The following SRGAP3 variants were observed in gnomAD, a reference collection of about 807,000 sequenced individuals.
The protein encoded by SRGAP3 is SLIT-ROBO Rho GTPase-activating protein 3.
A neutral mutation model predicts 121.1 loss-of-function variants in SRGAP3; 39 were observed. The ratio of observed to expected loss-of-function variants is 0.32; its 90% CI spans 0.25 to 0.42. The LOEUF is 0.42. Among genes scored for constraint, SRGAP3 ranks in the 10% least tolerant of loss-of-function variants. The probability of loss-of-function intolerance (pLI) is 1.00; values close to 1 mark genes in which losing one functional copy is unlikely to be tolerated. For missense variants in SRGAP3, 1,213 were observed against 1,470.6 expected (o/e 0.82, Z 2.86); for synonymous variants, 601 against 570.0 (o/e 1.05, Z -0.77).
At position 8,985,633 on chromosome 3, in the gene SRGAP3, C is replaced by G; in HGVS notation, c.3186G>C (p.Pro1062=). Residue 1062 remains proline, a synonymous_variant, in exon 22 of 22, where the codon CCG becomes CCC. Transcript: ENST00000383836. This position sits in a 1 kb window ranked among gnomAD's most constrained non-coding sequence, Gnocchi z 5.1. Reference sequence around the variant, plus strand: ...TGCTGCTGGACCGGTGCTGGACCACCGGCCGCACGGGCCGCATGGGGGGCG... The same window carrying G: ...TGCTGCTGGACCGGTGCTGGACCACGGGCCGCACGGGCCGCATGGGGGGCG... ...LRPPPMRPVR[P]VVQHRSSSSS... is the part of the protein sequence containing the mutation. The G allele has an allele frequency of 1.3e-6, 2 of 1,594,894 alleles. No individual in the cohort carries two copies. Among genetic ancestry groups the G allele is most frequent in the Non-Finnish European group, 1.7e-6 (2 of 1,177,538 alleles).
intron 1 of SRGAP3, among the ~76,000 whole-genome samples, chr3:9,175,531 G>C (rs969138448): frequency 6.6e-6 from 1 of 152,202 alleles, no homozygotes; most frequent in Non-Finnish European, 1.5e-5. Context: ...GACCCAGCAC[G>C]GGGAGCCCTC....
chr3:9,257,341 C>G (rs1261935026), intron 3 of SRGAP3: 1 of 129,166 alleles, frequency 7.7e-6, no homozygotes, highest in Non-Finnish European at 1.8e-5. Flanking sequence ...GACACCAAAG[C>G]GAACTCTCTC....
intron 19 of SRGAP3, among the ~76,000 whole-genome samples, chr3:8,993,307 T>G (rs1942185191): frequency 6.6e-6 from 1 of 152,178 alleles, no homozygotes; most frequent in African/African-American, 2.4e-5. Flanking sequence ...CTCTTCTAGC[T>G]TGTTCATTCC....
intron 21 of SRGAP3, 142 bp downstream of exon 21, chr3:8,990,370 C>T (rs913473828): frequency 2.2e-5 from 24 of 1,092,196 alleles, no homozygotes; most frequent in South Asian, 1.1e-4. Context: ...CAGCAAGGGA[C>T]GGGGAGGCCA....
chr3:9,062,225 C>G (rs1946207949), intron 5 of SRGAP3, among the ~76,000 whole-genome samples: 1 of 152,092 alleles, frequency 6.6e-6, no homozygotes, highest in South Asian at 2.1e-4. Context: ...TCATTAAACT[C>G]ATCTATTTTA....
At chr3:9,279,489 G>C (rs1321097539) in intron 3 of SRGAP3, among the ~76,000 whole-genome samples, 3 of 151,458 alleles carry the variant, frequency 2.0e-5, no homozygotes, top group African/African-American at 7.3e-5. Context: ...AGTCCAACGG[G>C]AAGCAAAACG....
Position 8,990,613 on chromosome 3 carries a change from T to G in SRGAP3, c.2785A>C (p.Lys929Gln). Residue 929 changes from lysine (K) to glutamine (Q), a missense_variant, in exon 21 of 22, where the codon AAG (lysine) becomes CAG (glutamine). Lys to Gln is a moderately conservative substitution (Grantham distance 53). This residue lies in a region of SRGAP3 where 420 missense variants were observed against 437.7 expected (regional missense o/e 0.96). Transcript: ENST00000383836. The part of the protein sequence containing the change: ...SAGSINYPDK[K>Q]ALSEGHSMRS... ...ATCGAGTGCCCTTCGGAGAGCGCCT[T>G]CTTGTCAGGGTAGTTGATGCTGCCA... 3.7e-6 allele frequency: 6 copies of G among 1,612,686 alleles called. No homozygotes were observed. The highest frequency in any genetic ancestry group is 5.1e-6 in the Non-Finnish European group (6 of 1,179,580).
intron 9 of SRGAP3, among the ~76,000 whole-genome samples, chr3:9,052,198 T>C (rs1274288390): frequency 6.6e-6 from 1 of 152,200 alleles, no homozygotes; most frequent in Non-Finnish European, 1.5e-5. Flanking sequence ...CCCAGCTCCC[T>C]GCAACCATGT....
chr3:9,273,834 AT>A (rs1233843593), intron 3 of SRGAP3, among the ~76,000 whole-genome samples: 4 of 150,786 alleles, frequency 2.7e-5, no homozygotes, highest in Non-Finnish European at 4.4e-5. Context: ...TTCCAAAACC[AT>A]TTGTTAAAAG....
At chr3:9,352,671 G>C (rs116693023) in intron 1 of SRGAP3, among the ~76,000 whole-genome samples, 185 of 152,246 alleles carry the variant, frequency 1.2e-3, no homozygotes, top group African/African-American at 4.3e-3. Flanking sequence ...CCTTCTTTTA[G>C]CAATGCATGT....
At chr3:9,171,738 T>C (rs939902889) in intron 1 of SRGAP3, among the ~76,000 whole-genome samples, 2 of 152,128 alleles carry the variant, frequency 1.3e-5, no homozygotes, top group African/African-American at 2.4e-5. Context: ...TACTCAGAGG[T>C]GAGAGGCTCT....
intron 1 of SRGAP3, among the ~76,000 whole-genome samples, chr3:9,356,350 G>C (rs1006778955): frequency 2.9e-5 from 4 of 136,804 alleles, no homozygotes; most frequent in Non-Finnish European, 4.6e-5. Context: ...CACTATCATG[G>C]CCAGCTAATT....
intron 3 of SRGAP3, among the ~76,000 whole-genome samples, chr3:9,274,754 G>C (rs960869276): frequency 2.6e-5 from 4 of 152,214 alleles, no homozygotes; most frequent in African/African-American, 4.8e-5. Context: ...AAAGGTGACA[G>C]AGTGGGAAGG....
At position 9,013,433 on chromosome 3, in the gene SRGAP3, G is replaced by A. The variant is rs911722509; in HGVS notation, c.2022C>T (p.Ser674=). 1.2e-6 allele frequency: 2 copies of A among 1,614,112 alleles called. No homozygotes were observed. Among genetic ancestry groups the A allele is most frequent in the East Asian group, 4.5e-5 (2 of 44,868 alleles). ...TGACTTCATTGATGTGTGCCTGGCA[G>A]GACACAGGGTCCTGCCCATCAGGGA... ...MHIPDGQDPV[S]CQAHINEVIK... Residue 674 remains serine, a synonymous_variant, in exon 17 of 22, where the codon TCC becomes TCT. Transcript: ENST00000383836.
intron 11 of SRGAP3, 131 bp downstream of exon 11, chr3:9,037,932 C>G: frequency 8.0e-7 from 1 of 1,246,178 alleles, no homozygotes; most frequent in East Asian, 2.3e-5. Flanking sequence ...TGGGCACACC[C>G]ACACCGGCCC....
At chr3:9,238,698 T>C (rs1166002512) in intron 1 of SRGAP3, among the ~76,000 whole-genome samples, 8 of 152,150 alleles carry the variant, frequency 5.3e-5, no homozygotes, top group Admixed American at 3.9e-4. Flanking sequence ...GCCGGATCCC[T>C]TCCCCAGGCA....
chr3:9,116,691 CAAG>C (rs1449830924), intron 2 of SRGAP3, among the ~76,000 whole-genome samples: 3 of 152,196 alleles, frequency 2.0e-5, no homozygotes, highest in South Asian at 4.1e-4. Flanking sequence ...GGGTAATTCT[CAAG>C]AAGCTCAAAG....
chr3:9,050,773 T>C (rs1485023475), intron 9 of SRGAP3, among the ~76,000 whole-genome samples: 1 of 152,230 alleles, frequency 6.6e-6, no homozygotes, highest in East Asian at 1.9e-4. Context: ...ATTCTCTTTG[T>C]GAACACCGTA....
At chr3:9,094,089 T>C (rs1947870926) in intron 3 of SRGAP3, among the ~76,000 whole-genome samples, 1 of 152,192 alleles carries the variant, frequency 6.6e-6, no homozygotes. Flanking sequence ...GTCTCCTTCC[T>C]TCCTCCCTCT....
Sources: allele counts gnomAD v4.1 joint callset (sites outside exome capture counted in the v4.1 genomes callset), GRCh38; gene constraint gnomAD v4.1.1; regional missense constraint gnomAD v4.1.1; non-coding constraint Gnocchi (gnomAD v3.1); transcripts MANE v1.5; gene names NCBI Gene and HGNC (gene_info 2026-07-23, HGNC 2026-07-21).